FGGY: variants seen among roughly 807,000 people sequenced by gnomAD.
FGGY encodes FGGY carbohydrate kinase domain-containing protein.
FGGY carries 72 observed loss-of-function variants against 71.3 expected under a neutral mutation model. The ratio of observed to expected loss-of-function variants is 1.01; its 90% CI spans 0.84 to 1.23. The LOEUF (loss-of-function observed/expected upper bound fraction) is 1.23. Among genes scored for constraint, FGGY ranks in the 50% most tolerant of loss-of-function variants. The pLI is 0.00. For synonymous variants in FGGY, 251 were observed against 250.3 expected (o/e 1.00, Z -0.02); for missense variants, 668 against 682.3 (o/e 0.98, Z 0.23).
intron 14 of FGGY, among the ~76,000 whole-genome samples, chr1:59,752,583 C>T (rs905028791): frequency 6.6e-6 from 1 of 152,226 alleles, no homozygotes; most frequent in Non-Finnish European, 1.5e-5. Context: ...ATGGAATCCA[C>T]ATCTTTTCCA....
intron 14 of FGGY, among the ~76,000 whole-genome samples, chr1:59,721,715 A>G (rs989115200): frequency 6.6e-6 from 1 of 152,234 alleles, no homozygotes; most frequent in Non-Finnish European, 1.5e-5. Context: ...TGCGTTCGTT[A>G]CAATTAATGA....
intron 4 of FGGY, among the ~76,000 whole-genome samples, chr1:59,374,632 T>C (rs899120290): frequency 6.6e-6 from 1 of 151,890 alleles, no homozygotes; most frequent in African/African-American, 2.4e-5. Context: ...CTGTTCACAA[T>C]AGGAAAGACT....
chr1:59,721,180 C>T (rs997281883), intron 14 of FGGY, among the ~76,000 whole-genome samples: 2 of 152,042 alleles, frequency 1.3e-5, no homozygotes, highest in South Asian at 2.1e-4. Context: ...CTCCCTAGTA[C>T]TTACCACCAT....
At chr1:59,324,266 C>CTTTTTTTT (rs71046329) in intron 2 of FGGY, among the ~76,000 whole-genome samples, 2 of 78,132 alleles carry the variant, frequency 2.6e-5, no homozygotes, top group Non-Finnish European at 4.9e-5. Context: ...ATAATAACTA[C>CTTTTTTTT]TTTTTTTTTT....
chr1:59,328,239 C>T (rs1170064269), intron 2 of FGGY, among the ~76,000 whole-genome samples: 2 of 152,186 alleles, frequency 1.3e-5, no homozygotes, highest in South Asian at 2.1e-4. Flanking sequence ...TTAGTGTAGA[C>T]ACCTTCATTG....
chr1:59,433,340 G>A (rs1008760761), intron 5 of FGGY, among the ~76,000 whole-genome samples: 2 of 152,138 alleles, frequency 1.3e-5, no homozygotes, highest in Non-Finnish European at 2.9e-5. Context: ...TTAAATGAAG[G>A]CCAAGGAGCC....
At chr1:59,464,655 TC>T (rs2092492990) in intron 6 of FGGY, among the ~76,000 whole-genome samples, 1 of 146,924 alleles carries the variant, frequency 6.8e-6, no homozygotes, top group Non-Finnish European at 1.5e-5. Flanking sequence ...CAGAGAAGAA[TC>T]AAATAGATGC....
At chr1:59,616,372 A>G (rs1170370001) in intron 9 of FGGY, among the ~76,000 whole-genome samples, 3 of 152,200 alleles carry the variant, frequency 2.0e-5, no homozygotes, top group Non-Finnish European at 4.4e-5. Context: ...TCAGCAAACT[A>G]TCACAAGGAC....
chr1:59,551,541 A>G (rs891409216), intron 7 of FGGY, among the ~76,000 whole-genome samples: 6 of 152,244 alleles, frequency 3.9e-5, no homozygotes, highest in Admixed American at 2.6e-4. Flanking sequence ...GAATCAATAT[A>G]TTTAAGATCC....
At chr1:59,357,299 T>C (rs908510901) in intron 4 of FGGY, among the ~76,000 whole-genome samples, 2 of 151,224 alleles carry the variant, frequency 1.3e-5, no homozygotes, top group Admixed American at 6.6e-5. Context: ...AAAAAGTTGT[T>C]GGCCAGATAC....
At chr1:59,397,111 T>C (rs529076559) in intron 5 of FGGY, among the ~76,000 whole-genome samples, 80 of 152,164 alleles carry the variant, frequency 5.3e-4, no homozygotes, top group African/African-American at 1.8e-3. Context: ...AGTTTTTTTC[T>C]GTTAAAGAGG....
intron 8 of FGGY, among the ~76,000 whole-genome samples, chr1:59,589,854 ACT>A (rs1485768179): frequency 3.2e-4 from 48 of 152,106 alleles, no homozygotes; most frequent in African/African-American, 1.1e-3. Context: ...CAAAATTGAC[ACT>A]CTAACATCAC....
chr1:59,301,423 C>T (rs552295822), intron 1 of FGGY, among the ~76,000 whole-genome samples: 109 of 152,064 alleles, frequency 7.2e-4, no homozygotes, highest in Non-Finnish European at 6.3e-4. Flanking sequence ...ACTTCCTTTC[C>T]GATGAGATTG....
intron 14 of FGGY, chr1:59,698,859 A>G (rs1009517033): frequency 5.1e-6 from 5 of 985,334 alleles, no homozygotes; most frequent in Non-Finnish European, 4.8e-6. Context: ...AGAACCTTAA[A>G]TAATAATGAA....
At chr1:59,530,011 A>G (rs2095097071) in intron 7 of FGGY, among the ~76,000 whole-genome samples, 1 of 152,196 alleles carries the variant, frequency 6.6e-6, no homozygotes, top group Non-Finnish European at 1.5e-5. Flanking sequence ...TTCATCTCAT[A>G]TTTGGCAGAA....
chr1:59,639,463 C>A (rs921018551), intron 11 of FGGY, among the ~76,000 whole-genome samples: 3 of 152,154 alleles, frequency 2.0e-5, no homozygotes, highest in African/African-American at 7.2e-5. Flanking sequence ...CACAACAAAT[C>A]ATGAGCTTGG....
intron 8 of FGGY, among the ~76,000 whole-genome samples, chr1:59,587,105 T>A (rs1209026316): frequency 6.6e-6 from 1 of 152,178 alleles, no homozygotes; most frequent in Non-Finnish European, 1.5e-5. Context: ...ACTGTGCTTT[T>A]CCAATGGGCT....
chr1:59,485,015 C>CA (rs1203618583), intron 6 of FGGY, among the ~76,000 whole-genome samples: 3 of 152,008 alleles, frequency 2.0e-5, no homozygotes, highest in African/African-American at 7.3e-5. Flanking sequence ...GATGTGCTTT[C>CA]AAAATAATTA....
intron 14 of FGGY, among the ~76,000 whole-genome samples, chr1:59,756,872 G>A (rs911395448): frequency 1.2e-4 from 18 of 151,276 alleles, no homozygotes; most frequent in African/African-American, 4.4e-4. Context: ...ATACCCAGGG[G>A]CTCTCATATT....
Sources: gnomAD v4.1 joint callset for allele counts (sites outside exome capture counted in the v4.1 genomes callset) on GRCh38, gnomAD v4.1.1 for gene constraint, MANE v1.5 for transcripts, NCBI Gene and HGNC (gene_info 2026-07-23, HGNC 2026-07-21) for gene names.